Variants in PARP8 observed in about 807,000 individuals in gnomAD.
PARP8 encodes poly(ADP-ribose) polymerase family member 8.
PARP8 carries 51 observed loss-of-function variants against 124.1 expected under a neutral mutation model. The ratio of observed to expected loss-of-function variants is 0.41; its 90% CI spans 0.33 to 0.52. PARP8 has a LOEUF of 0.52. Among genes scored for constraint, PARP8 ranks in the 20% least tolerant of loss-of-function variants. The pLI, the probability that PARP8 is intolerant of heterozygous loss-of-function variation, is 0.21. For synonymous variants in PARP8, 391 were observed against 361.5 expected, an observed-to-expected ratio of 1.08 and a Z score of -0.93; for missense variants, 860 against 1,018.9, an observed-to-expected ratio of 0.84 and a Z score of 2.12.
Position 50,778,860 on chromosome 5 carries a change from A to G in PARP8, c.670+210A>G, listed in dbSNP as rs565379272. On this transcript the variant is annotated intron_variant, in intron 9 of 25. Coordinates refer to ENST00000281631, the MANE Select transcript of PARP8 (RefSeq NM_024615.4). ...GTAAGATTTCATTTTATAGATTTTCAGAAACTGACAAGTTTCTGAGACACA... is the reference window on the plus strand; with the variant it reads ...GTAAGATTTCATTTTATAGATTTTCGGAAACTGACAAGTTTCTGAGACACA... Among the ~76,000 whole-genome samples, 11 of 152,312 alleles carry G rather than the reference A, an allele frequency of 7.2e-5. 1 individual carries two copies. The South Asian group carries it at 2.3e-3, about 32-fold the overall frequency.
chr5:50,823,676 A>T (rs550806921), intron 17 of PARP8, among the ~76,000 whole-genome samples: 2 of 152,340 alleles, frequency 1.3e-5, no homozygotes, highest in South Asian at 2.1e-4. Context: ...TATACCCTAG[A>T]CCTTGATTAT....
intron 3 of PARP8, among the ~76,000 whole-genome samples, chr5:50,750,553 T>G (rs1380595464): frequency 6.6e-6 from 1 of 152,140 alleles, no homozygotes; most frequent in African/African-American, 2.4e-5. Context: ...TTCAGTCAGT[T>G]TTCTAAGTGT....
chr5:50,666,926 C>T lies in PARP8; in HGVS notation c.-170C>T, dbSNP rs1372795559. On this transcript the variant is annotated 5_prime_UTR_variant, in exon 1 of 26. Transcript: ENST00000281631. ...CCCCCTCCTCCTCCTCCTCCCCCTC[C>T]TCCTCCTCCTCTTCTCTCACCCAGG... 2 of 1,407,386 alleles carry T rather than the reference C, an allele frequency of 1.4e-6. No individual in the cohort carries two copies. The highest frequency in any genetic ancestry group is 1.5e-5 in the African/African-American group (1 of 68,542). 87.2% of individuals were successfully genotyped at this position (1,407,386 alleles called of 1,614,324 possible).
At chr5:50,716,994 C>T (rs1303008252) in intron 2 of PARP8, among the ~76,000 whole-genome samples, 3 of 151,986 alleles carry the variant, frequency 2.0e-5, no homozygotes, top group Non-Finnish European at 4.4e-5. Flanking sequence ...ACTGTGTTTA[C>T]AGCAATGAAC....
chr5:50,729,220 A>T (rs1411738265), intron 2 of PARP8, among the ~76,000 whole-genome samples: 1 of 152,192 alleles, frequency 6.6e-6, no homozygotes, highest in Non-Finnish European at 1.5e-5. Context: ...AACTCTGGAT[A>T]ACTAATCAAT....
chr5:50,726,934 C>A (rs1341497231), intron 2 of PARP8, among the ~76,000 whole-genome samples: 1 of 152,058 alleles, frequency 6.6e-6, no homozygotes, highest in Admixed American at 6.6e-5. Context: ...GTGGAAATAA[C>A]CCAAAGATTG....
intron 2 of PARP8, among the ~76,000 whole-genome samples, chr5:50,716,124 G>A (rs1239096419): frequency 6.6e-6 from 1 of 152,116 alleles, no homozygotes; most frequent in Non-Finnish European, 1.5e-5. Context: ...TCCACATAGA[G>A]GCTGAGAATA....
chr5:50,730,203 A>C (rs1460497708), intron 2 of PARP8, among the ~76,000 whole-genome samples: 1 of 152,156 alleles, frequency 6.6e-6, no homozygotes, highest in East Asian at 1.9e-4. Context: ...AAATTTTGTC[A>C]ATTTTTTTAG....
chr5:50,747,154 G>GTTTTTTTTTTTTTTTTTTTT (rs370243477), intron 2 of PARP8, among the ~76,000 whole-genome samples: 1 of 121,918 alleles, frequency 8.2e-6, no homozygotes, highest in African/African-American at 3.3e-5. Flanking sequence ...TTTTTTGTTT[G>GTTTTTTTTTTTTTTTTTTTT]TTTGTTTTGT....
At chr5:50,811,066 A>T (rs113903505) in intron 14 of PARP8, among the ~76,000 whole-genome samples, 2,367 of 152,138 alleles carry the variant, frequency 0.016, 64 homozygotes, top group African/African-American at 0.055. Context: ...CCTTCTTCAA[A>T]CTATTGGAGT....
intron 17 of PARP8, among the ~76,000 whole-genome samples, chr5:50,824,609 A>G (rs1394804978): frequency 2.0e-5 from 3 of 152,142 alleles, no homozygotes; most frequent in African/African-American, 7.2e-5. Context: ...CAGAAACTCA[A>G]CAGGGGGCTG....
chr5:50,828,087 G>A (rs771948865), intron 20 of PARP8, 31 bp downstream of exon 20: 2 of 1,440,152 alleles, frequency 1.4e-6, no homozygotes, highest in South Asian at 1.1e-5. Flanking sequence ...ATGGGGGTGT[G>A]CTCCCATTAA....
At chr5:50,724,739 GT>G (rs200431549) in intron 2 of PARP8, among the ~76,000 whole-genome samples, 13 of 150,408 alleles carry the variant, frequency 8.6e-5, no homozygotes, top group Admixed American at 6.0e-4. Flanking sequence ...GGTACAAGTG[GT>G]TTTTTTTTGC....
rs116951530 is a variant in PARP8 at position 50,832,736 on chromosome 5, T to A, written c.2234-45T>A. On this transcript the variant is annotated intron_variant, in intron 22 of 25. Coordinates refer to ENST00000281631, the MANE Select transcript of PARP8 (RefSeq NM_024615.4). ...TAGGTCGATTGTACTTTCAGCTGCA[T>A]CAGACAGCTTTGTCCCTAAATTATT... The A allele has an allele frequency of 3.2e-3, 5,019 of 1,588,150 alleles. 177 individuals carry two copies. In the East Asian group the frequency reaches 0.084, roughly 27 times the overall value.
At chr5:50,681,118 A>T (rs1751243781) in intron 2 of PARP8, among the ~76,000 whole-genome samples, 1 of 152,184 alleles carries the variant, frequency 6.6e-6, no homozygotes, top group Non-Finnish European at 1.5e-5. Context: ...ATTACCATGG[A>T]TATAACTAGA....
At chr5:50,828,547 T>C (rs1746595219) in intron 21 of PARP8, among the ~76,000 whole-genome samples, 163 bp downstream of exon 21, 1 of 151,958 alleles carries the variant, frequency 6.6e-6, no homozygotes, top group African/African-American at 2.4e-5. Context: ...AACTGATCTA[T>C]ACACAATGAT....
At chr5:50,788,438 A>G (rs2149633689) in intron 9 of PARP8, 85 bp from the exon 10 acceptor site, 1 of 1,192,740 alleles carries the variant, frequency 8.4e-7, no homozygotes, top group Non-Finnish European at 1.2e-6. Context: ...ATGCACATAT[A>G]TAATGCGATT....
At chr5:50,687,641 G>A (rs1319855364) in intron 2 of PARP8, among the ~76,000 whole-genome samples, 4 of 152,298 alleles carry the variant, frequency 2.6e-5, no homozygotes, top group African/African-American at 4.8e-5. Context: ...ACAGTTTCAC[G>A]TGGCTAGGGA....
chr5:50,686,186 G>A (rs969239358), intron 2 of PARP8, among the ~76,000 whole-genome samples: 1 of 152,220 alleles, frequency 6.6e-6, no homozygotes, highest in Non-Finnish European at 1.5e-5. Flanking sequence ...GCGGATACAG[G>A]CGTTGAATAG....
Sources: allele counts gnomAD v4.1 joint callset (sites outside exome capture counted in the v4.1 genomes callset), GRCh38; gene constraint gnomAD v4.1.1; transcripts MANE v1.5; gene names NCBI Gene and HGNC (gene_info 2026-07-23, HGNC 2026-07-21).